Variants in PPP1R26 observed in about 807,000 individuals in gnomAD.
PPP1R26 encodes the protein 1A6/DRIM (down-regulated in metastasis) interacting protein.
PPP1R26 carries 22 observed loss-of-function variants against 67.6 expected under a neutral mutation model. The ratio of observed to expected loss-of-function variants is 0.33; its 90% CI spans 0.23 to 0.46. The LOEUF (loss-of-function observed/expected upper bound fraction) is 0.46. PPP1R26 is among the 20% of genes least tolerant of loss of function. The pLI is 1.00. For synonymous variants in PPP1R26, 729 were observed against 717.2 expected (o/e 1.02, Z -0.26); for missense variants, 1,602 against 1,651.4 (o/e 0.97, Z 0.52).
intron 1 of PPP1R26, among the ~76,000 whole-genome samples, chr9:135,481,604 A>G (rs1359921670): frequency 1.3e-5 from 2 of 150,722 alleles, no homozygotes; most frequent in Non-Finnish European, 2.9e-5. Flanking sequence ...TGTCCTGGGG[A>G]GACGACCCCC....
rs1830565016 is a variant in PPP1R26 at position 135,482,831 on chromosome 9, T to C, written c.-196+16T>C. 3 of 398,406 alleles carry C rather than the reference T, an allele frequency of 7.5e-6. No individual in the cohort carries two copies. In the South Asian group the frequency reaches 3.8e-4, roughly 51 times the overall value. 24.7% of individuals were successfully genotyped at this position (398,406 alleles called of 1,614,324 possible). A position where few individuals can be genotyped will look rare whatever the true frequency, so the allele number is the denominator to read the frequency against. ...AGAATTTCAAGTAATTTCAAGTAATTCTTGTATTTTAGTTTCCCTTGTAGG... is the reference window on the plus strand; with the variant it reads ...AGAATTTCAAGTAATTTCAAGTAATCCTTGTATTTTAGTTTCCCTTGTAGG... On this transcript the variant is annotated intron_variant, in intron 2 of 3. Coordinates refer to ENST00000356818, the MANE Select transcript of PPP1R26 (RefSeq NM_014811.5).
chr9:135,487,817 T>C lies in PPP1R26; in HGVS notation c.3307T>C (p.Phe1103Leu). Reference sequence around the variant, plus strand: ...CTGGGGGGGCAGGCAGGCTGGCCTCTTCAGCCCCCACCTGGGGCTGCCTCT... The same window carrying C: ...CTGGGGGGGCAGGCAGGCTGGCCTCCTCAGCCCCCACCTGGGGCTGCCTCT... ...VSWGGRQAGLFSPHLGLPLQG... is the reference protein window; with the variant it reads ...VSWGGRQAGLLSPHLGLPLQG... Residue 1103 changes from phenylalanine (F) to leucine (L), a missense_variant, in exon 4 of 4, where the codon TTC becomes CTC. By Grantham distance (22) the Phe-to-Leu change is conservative (BLOSUM62 0). Coordinates refer to ENST00000356818, the MANE Select transcript of PPP1R26 (RefSeq NM_014811.5). The C allele has an allele frequency of 6.3e-7, 1 of 1,591,442 alleles. No individual in the cohort carries two copies. The highest frequency in any genetic ancestry group is 8.5e-7 in the Non-Finnish European group (1 of 1,171,532).
At position 135,485,370 on chromosome 9, in the gene PPP1R26, T is replaced by C; in HGVS notation, c.860T>C (p.Phe287Ser). 6.2e-7 allele frequency: 1 copy of C among 1,612,240 alleles called. No homozygotes were observed. Among genetic ancestry groups the C allele is most frequent in the Non-Finnish European group, 8.5e-7 (1 of 1,179,916 alleles). ...GGCCTGCTGGGCGTCCAGAAGGAGT[T>C]TGCCTTCCGCAAACCTCCCCGGTTA... ...RQGLLGVQKE[F>S]AFRKPPRLAK... The change falls in exon 4 of 4, where the codon TTT becomes TCT. Residue 287 changes from phenylalanine (F) to serine (S), a missense_variant. Physicochemically the swap from Phe to Ser is radical, Grantham distance 155 (BLOSUM62 -2). Around this residue, in one of 5 missense-constraint regions of PPP1R26, gnomAD observed 680 missense variants for 726.1 expected, o/e 0.94. Transcript: ENST00000356818. This position sits in a 1 kb window ranked among gnomAD's most constrained non-coding sequence, Gnocchi z 7.2.
chr9:135,487,222 G>C lies in PPP1R26; in HGVS notation c.2712G>C (p.Gly904=). ...RARGVPHLAE[G]LRGTESAGAQ... is the part of the protein sequence containing the mutation. ...GGGGGGTCCCACATCTGGCCGAAGGGCTTCGAGGCACAGAGAGCGCAGGAG... is the reference window on the plus strand; with the variant it reads ...GGGGGGTCCCACATCTGGCCGAAGGCCTTCGAGGCACAGAGAGCGCAGGAG... Residue 904 remains glycine (G), a synonymous_variant, in exon 4 of 4, where the codon GGG becomes GGC. Coordinates refer to ENST00000356818, the MANE Select transcript of PPP1R26 (RefSeq NM_014811.5). 4 of 1,589,712 alleles carry C rather than the reference G, an allele frequency of 2.5e-6. No homozygotes were observed. The highest frequency in any genetic ancestry group is 1.7e-4 in the Middle Eastern group (1 of 5,896).
intron 1 of PPP1R26, among the ~76,000 whole-genome samples, chr9:135,481,921 A>AT (rs1365361284): frequency 6.6e-6 from 1 of 152,168 alleles, no homozygotes; most frequent in Non-Finnish European, 1.5e-5. Flanking sequence ...ACCTGGCCAG[A>AT]TTTTTTAATA....
chr9:135,485,497 A>T lies in PPP1R26; in HGVS notation c.987A>T (p.Glu329Asp). The T allele has an allele frequency of 6.2e-7, 1 of 1,613,118 alleles. No homozygotes were observed. Among genetic ancestry groups the T allele is most frequent in the Non-Finnish European group, 8.5e-7 (1 of 1,180,004 alleles). Residue 329 changes from glutamate (E) to aspartate (D), a missense_variant, in exon 4 of 4, where the codon GAA (glutamate) becomes GAT (aspartate). Physicochemically the swap from Glu to Asp is conservative, Grantham distance 45. This residue lies in a region of PPP1R26 where 680 missense variants were observed against 726.1 expected (regional missense o/e 0.94). Transcript: ENST00000356818. The surrounding 1 kb of genome is among the most constrained non-coding windows in gnomAD (Gnocchi z 7.2). ...TKPATPCRPS[E>D]AAQNKGGIKR... ...CGGCAACCCCCTGCCGCCCTTCAGA[A>T]GCAGCACAGAATAAAGGTGGGATCA... is the stretch of plus-strand genomic sequence containing the variant.
chr9:135,482,987 C>CTTTTTTTTTTTTTTTTTTTTTTTTTT (rs57608324), intron 2 of PPP1R26, among the ~76,000 whole-genome samples, 172 bp downstream of exon 2: 1 of 112,046 alleles, frequency 8.9e-6, no homozygotes, highest in Non-Finnish European at 1.7e-5. Context: ...TTCTTTCTTT[C>CTTTTTTTTTTTTTTTTTTTTTTTTTT]TTTTTTTTTT....
rs1472246139 is a variant in PPP1R26 at position 135,486,256 on chromosome 9, C to T, written c.1746C>T (p.Leu582=). 6.2e-7 allele frequency: 1 copy of T among 1,612,956 alleles called. No individual in the cohort carries two copies. Among genetic ancestry groups the T allele is most frequent in the Admixed American group, 1.7e-5 (1 of 60,024 alleles). The change falls in exon 4 of 4, where the codon CTC becomes CTT. Residue 582 remains leucine (L), a synonymous_variant. Coordinates refer to ENST00000356818, the MANE Select transcript of PPP1R26 (RefSeq NM_014811.5). This position sits in a 1 kb window ranked among gnomAD's most constrained non-coding sequence, Gnocchi z 6.2. ...NSQTGGHKTP[L]SKTPDPLLGC... Reference sequence around the variant, plus strand: ...AGACCGGCGGCCACAAGACCCCTCTCTCTAAAACACCAGACCCACTGCTGG... The same window carrying T: ...AGACCGGCGGCCACAAGACCCCTCTTTCTAAAACACCAGACCCACTGCTGG...
In PPP1R26 at chr9:135,487,631, G is replaced by A. The variant is rs775012259; in HGVS notation, c.3121G>A (p.Val1041Met). 2.7e-6 allele frequency: 4 copies of A among 1,480,838 alleles called. No homozygotes were observed. The African/African-American group carries it at 5.6e-5, about 21-fold the overall frequency. 91.7% of individuals were successfully genotyped at this position (1,480,838 alleles called of 1,614,324 possible). Residue 1041 changes from valine to methionine, a missense_variant, in exon 4 of 4, where the codon GTG becomes ATG. Around this residue, in one of 5 missense-constraint regions of PPP1R26, gnomAD observed 740 missense variants for 696.3 expected, o/e 1.06. Coordinates refer to ENST00000356818, the MANE Select transcript of PPP1R26 (RefSeq NM_014811.5). ...AHQSRLPSPW[V>M]LRSEGRDAVW... ...CCAGAGTCGGCTGCCCAGCCCGTGG[G>A]TGCTGCGCTCCGAAGGCAGAGATGC... is the stretch of plus-strand genomic sequence containing the variant.
In PPP1R26 at chr9:135,487,119, G is replaced by C. The variant is rs548509813; in HGVS notation, c.2609G>C (p.Gly870Ala). ...AEGPTALGTG[G>A]PARPEVLCRK... ...GGCCCCACCGCTCTTGGGACAGGGG[G>C]CCCAGCCAGGCCAGAGGTGCTGTGC... Residue 870 changes from glycine to alanine, a missense_variant, in exon 4 of 4, where the codon GGC becomes GCC. Coordinates refer to ENST00000356818, the MANE Select transcript of PPP1R26 (RefSeq NM_014811.5). The C allele has an allele frequency of 1.2e-6, 2 of 1,609,554 alleles. No individual in the cohort carries two copies. Among genetic ancestry groups the C allele is most frequent in the Non-Finnish European group, 1.7e-6 (2 of 1,178,288 alleles).
chr9:135,487,948 C>G lies in PPP1R26; in HGVS notation c.3438C>G (p.Thr1146=). 6.3e-7 allele frequency: 1 copy of G among 1,590,896 alleles called. No homozygotes were observed. The highest frequency in any genetic ancestry group is 2.2e-5 in the East Asian group (1 of 44,544). The change falls in exon 4 of 4, where the codon ACC becomes ACG. Residue 1146 remains threonine, a synonymous_variant. Coordinates refer to ENST00000356818, the MANE Select transcript of PPP1R26 (RefSeq NM_014811.5). The part of the protein sequence containing the change: ...LAKKDGGPWP[T]RKAQAGLSLH... ...AGAAGGACGGCGGCCCCTGGCCAAC[C>G]AGGAAGGCACAGGCAGGGCTGAGTT...
chr9:135,485,579 T>G lies in PPP1R26; in HGVS notation c.1069T>G (p.Ser357Ala). The stretch of plus-strand genomic sequence containing the variant: ...GCGAGTCATGAGTGCGGCACAGGCG[T>G]CCGAGGCGTCCGACTCCAGCAGCGA... ...GKRVMSAAQA[S>A]EASDSSSDDG... The change falls in exon 4 of 4, where the codon TCC (serine) becomes GCC (alanine). Residue 357 changes from serine to alanine, a missense_variant. This residue lies in a region of PPP1R26 where 680 missense variants were observed against 726.1 expected (regional missense o/e 0.94). Coordinates refer to ENST00000356818, the MANE Select transcript of PPP1R26 (RefSeq NM_014811.5). The surrounding 1 kb of genome is among the most constrained non-coding windows in gnomAD (Gnocchi z 7.2). The G allele has an allele frequency of 6.2e-7, 1 of 1,612,930 alleles. No individual in the cohort carries two copies. The highest frequency in any genetic ancestry group is 8.5e-7 in the Non-Finnish European group (1 of 1,179,944).
At position 135,488,120 on chromosome 9, in the gene PPP1R26, A is replaced by C. The variant is rs1325924139; in HGVS notation, c.3610A>C (p.Ser1204Arg). 1.3e-6 allele frequency: 2 copies of C among 1,525,900 alleles called. No individual in the cohort carries two copies. Among genetic ancestry groups the C allele is most frequent in the East Asian group, 2.3e-5 (1 of 43,854 alleles). The allele number at this position is 1,525,900 out of a possible 1,614,324, so 94.5% of individuals were successfully genotyped here. ...SDTSTEDSGG[S>R]SVVKV ...CACCTCCACGGAGGACAGTGGCGGC[A>C]GCTCAGTAGTGAAGGTCTAAGCCCT... Residue 1204 changes from serine (S) to arginine (R), a missense_variant, in exon 4 of 4, where the codon AGC becomes CGC. Coordinates refer to ENST00000356818, the MANE Select transcript of PPP1R26 (RefSeq NM_014811.5).
At chr9:135,481,386 G>A (rs750920033) in intron 1 of PPP1R26, among the ~76,000 whole-genome samples, 3 of 151,850 alleles carry the variant, frequency 2.0e-5, no homozygotes, top group South Asian at 2.1e-4. Flanking sequence ...AACTACAGAC[G>A]TGGGCTCCCA....
chr9:135,486,221 C>T lies in PPP1R26; in HGVS notation c.1711C>T (p.Leu571Phe). The change falls in exon 4 of 4, where the codon CTC (leucine) becomes TTC (phenylalanine). Residue 571 changes from leucine to phenylalanine, a missense_variant. Leu to Phe is a conservative substitution (Grantham distance 22, BLOSUM62 0). This residue lies in a region of PPP1R26 where 680 missense variants were observed against 726.1 expected (regional missense o/e 0.94). Transcript: ENST00000356818. The surrounding 1 kb of genome is among the most constrained non-coding windows in gnomAD (Gnocchi z 6.2). ...CCAGGGTCCACTTTTGCCGCCTGGC[C>T]TCAACAGCCAGACCGGCGGCCACAA... is the stretch of plus-strand genomic sequence containing the variant. The part of the protein sequence containing the change: ...AAQGPLLPPG[L>F]NSQTGGHKTP... The T allele has an allele frequency of 6.2e-7, 1 of 1,613,018 alleles. No homozygotes were observed. Among genetic ancestry groups the T allele is most frequent in the Non-Finnish European group, 8.5e-7 (1 of 1,180,044 alleles).
chr9:135,484,818 C>T lies in PPP1R26; in HGVS notation c.308C>T (p.Ala103Val). The T allele has an allele frequency of 1.2e-6, 2 of 1,610,824 alleles. No homozygotes were observed. The highest frequency in any genetic ancestry group is 1.7e-6 in the Non-Finnish European group (2 of 1,179,758). Residue 103 changes from alanine to valine, a missense_variant, in exon 4 of 4, where the codon GCT becomes GTT. Ala to Val is a moderately conservative substitution (Grantham distance 64). Transcript: ENST00000356818. ...PPALAVCGLV[A>V]DFDPMGEEET... ...GCGTTGGCTGTCTGTGGTCTCGTTGCTGACTTTGACCCCATGGGGGAGGAG... is the reference window on the plus strand; with the variant it reads ...GCGTTGGCTGTCTGTGGTCTCGTTGTTGACTTTGACCCCATGGGGGAGGAG...
At position 135,487,830 on chromosome 9, in the gene PPP1R26, TG is replaced by T; in HGVS notation, c.3324del (p.Leu1109CysfsTer45). On this transcript the variant is annotated frameshift_variant, in exon 4 of 4. Coordinates refer to ENST00000356818, the MANE Select transcript of PPP1R26 (RefSeq NM_014811.5). LOFTEE classifies it high-confidence loss of function. ...CAGGCTGGCCTCTTCAGCCCCCACC[TG>T]GGGCTGCCTCTGCAGGGCCCCTCCT... ...GRQAGLFSPH[L>X]GLPLQGPSFS... The T allele has an allele frequency of 6.3e-7, 1 of 1,593,434 alleles. No individual in the cohort carries two copies. Among genetic ancestry groups the T allele is most frequent in the Non-Finnish European group, 8.5e-7 (1 of 1,172,174 alleles).
intron 2 of PPP1R26, among the ~76,000 whole-genome samples, chr9:135,483,180 T>G (rs1830585987): frequency 6.6e-6 from 1 of 151,910 alleles, no homozygotes; most frequent in African/African-American, 2.4e-5. Flanking sequence ...TTAGTAGAGA[T>G]GGAGTTTCAC....
rs1265719564 is a variant in PPP1R26, at chr9:135,488,777, C to G, written c.*637C>G. ...TACTCCCTGTTGCATGTCAAATCCA[C>G]ACAGATGTCAGCGGCAGCTGCTCGG... is the stretch of plus-strand genomic sequence containing the variant. On this transcript the variant is annotated 3_prime_UTR_variant, in exon 4 of 4. Coordinates refer to ENST00000356818, the MANE Select transcript of PPP1R26 (RefSeq NM_014811.5). 1 of 167,114 alleles carries G rather than the reference C, an allele frequency of 6.0e-6. No individual in the cohort carries two copies. Among genetic ancestry groups the G allele is most frequent in the Non-Finnish European group, 1.5e-5 (1 of 68,136 alleles). 10.4% of individuals were successfully genotyped at this position (167,114 alleles called of 1,614,324 possible).
Sources: allele counts gnomAD v4.1 joint callset (sites outside exome capture counted in the v4.1 genomes callset), GRCh38; gene constraint gnomAD v4.1.1; regional missense constraint gnomAD v4.1.1; non-coding constraint Gnocchi (gnomAD v3.1); transcripts MANE v1.5; gene names NCBI Gene and HGNC (gene_info 2026-07-23, HGNC 2026-07-21).